SPARC: variants seen among roughly 807,000 people sequenced by gnomAD.
SPARC encodes the protein secreted protein acidic and cysteine rich.
Under a neutral mutation model 37.7 loss-of-function variants are expected in SPARC, and 23 were observed. The observed-to-expected ratio is 0.61, with a 90% CI of 0.44 to 0.87. The LOEUF (loss-of-function observed/expected upper bound fraction) is 0.87. SPARC is among the 40% of genes least tolerant of loss of function. The probability of loss-of-function intolerance (pLI) is 0.00; values close to 1 mark genes in which losing one functional copy is unlikely to be tolerated. For synonymous variants in SPARC, 155 were observed against 150.8 expected (o/e 1.03, Z -0.20); for missense variants, 312 against 389.0 (o/e 0.80, Z 1.66).
intron 6 of SPARC, 154 bp from the exon 7 acceptor site, chr5:151,667,754 A>C: frequency 1.3e-6 from 1 of 772,960 alleles, no homozygotes; most frequent in East Asian, 2.7e-5. Context: ...GACAATGAGC[A>C]GAGGAGATTA....
At chr5:151,670,727 C>T (rs1455198641) in intron 5 of SPARC, among the ~76,000 whole-genome samples, 2 of 152,166 alleles carry the variant, frequency 1.3e-5, no homozygotes, top group Non-Finnish European at 1.5e-5. Flanking sequence ...CTGTGTTGAA[C>T]ATCCTGTCCG....
In SPARC at chr5:151,667,550, G is replaced by C. The variant is rs1053296; in HGVS notation, c.502C>G (p.Arg168Gly). ...SELTEFPLRM[R>G]DWLKNVLVTL... Reference sequence around the variant, plus strand: ...ACCAGGACGTTCTTGAGCCAGTCCCGCATGCGCAGGGGGAATTCGGTCAGC... The same window carrying C: ...ACCAGGACGTTCTTGAGCCAGTCCCCCATGCGCAGGGGGAATTCGGTCAGC... The change falls in exon 7 of 10, where the codon CGG becomes GGG. Residue 168 changes from arginine to glycine, a missense_variant. Physicochemically the swap from Arg to Gly is moderately radical, Grantham distance 125. Coordinates refer to ENST00000231061, the MANE Select transcript of SPARC (RefSeq NM_003118.4). 3.1e-6 allele frequency: 5 copies of C among 1,614,162 alleles called. No homozygotes were observed. Among genetic ancestry groups the C allele is most frequent in the Non-Finnish European group, 4.2e-6 (5 of 1,180,022 alleles).
rs889443899 is a variant in SPARC, at chr5:151,669,646, G to A, written c.451+18C>T. The A allele has an allele frequency of 1.2e-6, 2 of 1,612,900 alleles. No homozygotes were observed. Among genetic ancestry groups the A allele is most frequent in the African/African-American group, 1.3e-5 (1 of 75,038 alleles). ...CTCTCCCCAAGACAGGAGTCTGGAAGGGCCCAAGGACACTCACATTTGCAA... is the reference window on the plus strand; with the variant it reads ...CTCTCCCCAAGACAGGAGTCTGGAAAGGCCCAAGGACACTCACATTTGCAA... On this transcript the variant is annotated intron_variant, in intron 6 of 9. Transcript: ENST00000231061.
In SPARC at chr5:151,681,766, G is replaced by A. The variant is rs187462343; in HGVS notation, c.-14+5099C>T. ...AAATTAGCCGGGCATGGTGGCGGGC[G>A]CCTAAAATCCCAGCAACTCGGGAGG... is the stretch of plus-strand genomic sequence containing the variant. On this transcript the variant is annotated intron_variant, in intron 1 of 9. Coordinates refer to ENST00000231061, the MANE Select transcript of SPARC (RefSeq NM_003118.4). 1.8e-3 allele frequency among the ~76,000 whole-genome samples: 278 copies of A among 152,252 alleles called. 1 individual carries two copies. Among genetic ancestry groups the A allele is most frequent in the Non-Finnish European group, 2.8e-3 (190 of 68,028 alleles).
At chr5:151,667,408 T>A (rs1561917085) in intron 7 of SPARC, 59 bp downstream of exon 7, 1 of 1,606,730 alleles carries the variant, frequency 6.2e-7, no homozygotes, top group Non-Finnish European at 8.5e-7. Context: ...GGCCCAGTTC[T>A]AGGAATGGGA....
chr5:151,671,947 C>T, intron 4 of SPARC: 1 of 466,920 alleles, frequency 2.1e-6, no homozygotes, highest in Non-Finnish European at 3.8e-6. Context: ...GAGGCTCAGT[C>T]TGGGACCCAG....
intron 1 of SPARC, among the ~76,000 whole-genome samples, chr5:151,684,604 G>GA (rs746262776): frequency 0.35 from 39,919 of 112,622 alleles, 6,939 homozygotes; most frequent in Non-Finnish European, 0.42. Flanking sequence ...GAGCTGCCAG[G>GA]AAAAAAAAAA....
intron 6 of SPARC, among the ~76,000 whole-genome samples, chr5:151,669,003 C>T (rs1356835001): frequency 3.3e-5 from 5 of 152,056 alleles, no homozygotes; most frequent in African/African-American, 1.2e-4. Flanking sequence ...TCTTGGGGGT[C>T]TCCCATGATA....
At position 151,669,796 on chromosome 5, in the gene SPARC, GCA is replaced by G. The variant is rs768089346; in HGVS notation, c.331-14_331-13del. ...TCATTGCTGCACACCTGTTGGCAAAGCACAGAGTACCCCCTCCTTCATTCCCA... is the reference window on the plus strand; with the variant it reads ...TCATTGCTGCACACCTGTTGGCAAAGCAGAGTACCCCCTCCTTCATTCCCA... On this transcript the variant is annotated splice_polypyrimidine_tract_variant and intron_variant, in intron 5 of 9. Transcript: ENST00000231061. 6.2e-7 allele frequency: 1 copy of G among 1,614,090 alleles called. No homozygotes were observed. Among genetic ancestry groups the G allele is most frequent in the Non-Finnish European group, 8.5e-7 (1 of 1,179,952 alleles).
At chr5:151,671,784 C>A in intron 4 of SPARC, 90 bp from the exon 5 acceptor site, 1 of 1,544,552 alleles carries the variant, frequency 6.5e-7, no homozygotes, top group Non-Finnish European at 8.8e-7. Context: ...GCTGACAGTC[C>A]TTGACTGTGG....
intron 4 of SPARC, chr5:151,672,851 G>A (rs1458957787): frequency 4.5e-6 from 2 of 444,508 alleles, no homozygotes; most frequent in Non-Finnish European, 4.2e-6. Context: ...TTTGGACTCA[G>A]GGCAAAGAGC....
intron 1 of SPARC, among the ~76,000 whole-genome samples, chr5:151,683,166 C>CA (rs1485951084): frequency 6.6e-6 from 1 of 152,158 alleles, no homozygotes; most frequent in Non-Finnish European, 1.5e-5. Context: ...GCTGAAAGCT[C>CA]AAGGCTGGTT....
At chr5:151,672,830 G>A (rs1760775675) in intron 4 of SPARC, 3 of 398,060 alleles carry the variant, frequency 7.5e-6, no homozygotes, top group African/African-American at 2.0e-5. Context: ...CGTGGGACTG[G>A]GAAACTCAGC....
intron 2 of SPARC, among the ~76,000 whole-genome samples, chr5:151,675,102 C>A (rs1330515561): frequency 6.6e-6 from 1 of 152,156 alleles, no homozygotes; most frequent in Non-Finnish European, 1.5e-5. Flanking sequence ...TATTATTAGG[C>A]AATTTTTCTT....
intron 9 of SPARC, 39 bp from the exon 10 acceptor site, chr5:151,663,638 G>A (rs1334761043): frequency 6.2e-7 from 1 of 1,610,698 alleles, no homozygotes; most frequent in South Asian, 1.1e-5. Context: ...AAATAAGGCT[G>A]TGTCGATGAT....
chr5:151,671,920 G>A, intron 4 of SPARC: 1 of 523,116 alleles, frequency 1.9e-6, no homozygotes. Flanking sequence ...TAGAGGTCAG[G>A]CACTTCTGGG....
chr5:151,671,663 G>T lies in SPARC; in HGVS notation c.240C>A (p.Gly80=), dbSNP rs1474143887. Residue 80 remains glycine (G), a synonymous_variant, in exon 5 of 10, where the codon GGC becomes GGA. Transcript: ENST00000231061. ...NPCQNHHCKH[G]KVCELDENNT... is the part of the protein sequence containing the mutation. ...TGTTCTCATCCAGCTCGCACACCTT[G>T]CCGTGTTTGCAGTGGTGGTTCTGGC... 3.7e-6 allele frequency: 6 copies of T among 1,613,316 alleles called. No homozygotes were observed. The highest frequency in any genetic ancestry group is 5.1e-6 in the Non-Finnish European group (6 of 1,179,610).
At position 151,674,688 on chromosome 5, in the gene SPARC, A is replaced by T. The variant is rs1760820654; in HGVS notation, c.58-14T>A. The T allele has an allele frequency of 1.2e-6, 2 of 1,613,996 alleles. No individual in the cohort carries two copies. The highest frequency in any genetic ancestry group is 1.7e-5 in the Admixed American group (1 of 60,012). On this transcript the variant is annotated splice_polypyrimidine_tract_variant and intron_variant, in intron 2 of 9. Coordinates refer to ENST00000231061, the MANE Select transcript of SPARC (RefSeq NM_003118.4). Reference sequence around the variant, plus strand: ...GGCTTCTTGCTGCTGTTGGAAAGAGAAAGTAGCGTTCAGAGGGGTCAGGAA... The same window carrying T: ...GGCTTCTTGCTGCTGTTGGAAAGAGTAAGTAGCGTTCAGAGGGGTCAGGAA...
chr5:151,665,903 C>A (rs1186278823), intron 8 of SPARC, among the ~76,000 whole-genome samples: 1 of 152,174 alleles, frequency 6.6e-6, no homozygotes, highest in Non-Finnish European at 1.5e-5. Context: ...AATAGACAGG[C>A]TTTTTTGGAT....
Sources: gnomAD v4.1 joint callset for allele counts (sites outside exome capture counted in the v4.1 genomes callset) on GRCh38, gnomAD v4.1.1 for gene constraint, MANE v1.5 for transcripts, NCBI Gene and HGNC (gene_info 2026-07-23, HGNC 2026-07-21) for gene names.